The following PAMR1 variants were observed in gnomAD, a reference collection of about 807,000 sequenced individuals.
PAMR1 encodes the protein peptidase domain containing associated with muscle regeneration 1.
In PAMR1, 88 loss-of-function variants were observed where a neutral mutation model predicts 81.8. That is an observed-to-expected ratio of 1.08 (90% CI 0.91 to 1.28). The LOEUF (loss-of-function observed/expected upper bound fraction) is 1.28. Among genes scored for constraint, PAMR1 ranks in the 50% most tolerant of loss-of-function variants. The pLI, the probability that PAMR1 is intolerant of heterozygous loss-of-function variation, is 0.00. For missense variants in PAMR1, 935 were observed against 919.7 expected, an observed-to-expected ratio of 1.02 and a Z score of -0.21; for synonymous variants, 336 against 345.3, an observed-to-expected ratio of 0.97 and a Z score of 0.30.
intron 6 of PAMR1, among the ~76,000 whole-genome samples, chr11:35,454,825 A>T (rs1362534430): frequency 6.6e-6 from 1 of 152,158 alleles, no homozygotes; most frequent in Non-Finnish European, 1.5e-5. Flanking sequence ...ACCTCCACAA[A>T]TATGCTCGCC....
rs749539216 is a variant in PAMR1 at position 35,470,680 on chromosome 11, T to A, written c.633A>T (p.Gly211=). The change falls in exon 5 of 11, where the codon GGA becomes GGT. Residue 211 remains glycine, a synonymous_variant. Coordinates refer to ENST00000619888, the MANE Select transcript of PAMR1 (RefSeq NM_001001991.3). ...AGTGGAAGAGGACGTGGAGTGAGGATCCTATGCTCTGGATAGGAGCTGGCC... is the reference window on the plus strand; with the variant it reads ...AGTGGAAGAGGACGTGGAGTGAGGAACCTATGCTCTGGATAGGAGCTGGCC... ...NERPAPIQSI[G]SSLHVLFHSD... is the part of the protein sequence containing the mutation. 4.3e-6 allele frequency: 7 copies of A among 1,614,148 alleles called. No individual in the cohort carries two copies. The highest frequency in any genetic ancestry group is 2.2e-5 in the East Asian group (1 of 44,878).
At chr11:35,518,192 A>G (rs573035602) in intron 1 of PAMR1, among the ~76,000 whole-genome samples, 1 of 134,316 alleles carries the variant, frequency 7.4e-6, no homozygotes, top group South Asian at 2.8e-4. Context: ...AAAGTGTTGT[A>G]ATGAGGATTC....
At chr11:35,496,287 T>C (rs1590376338) in intron 1 of PAMR1, among the ~76,000 whole-genome samples, 1 of 152,308 alleles carries the variant, frequency 6.6e-6, no homozygotes, top group East Asian at 1.9e-4. Flanking sequence ...AAATTAAAAA[T>C]GTTTGTGCAG....
At chr11:35,519,327 A>G (rs1399666117) in intron 1 of PAMR1, among the ~76,000 whole-genome samples, 2 of 152,108 alleles carry the variant, frequency 1.3e-5, no homozygotes, top group Non-Finnish European at 2.9e-5. Flanking sequence ...AGGGGGAAAA[A>G]TGCTCCCGCT....
intron 5 of PAMR1, among the ~76,000 whole-genome samples, chr11:35,469,573 G>C (rs1856813370): frequency 1.3e-5 from 2 of 152,202 alleles, no homozygotes; most frequent in African/African-American, 4.8e-5. Flanking sequence ...AGCTCCACAG[G>C]GGGCAGGCAC....
chr11:35,492,085 A>G lies in PAMR1; in HGVS notation c.339T>C (p.Cys113=), dbSNP rs111375401. The G allele has an allele frequency of 2.8e-5, 45 of 1,614,008 alleles. 1 individual carries two copies. The Middle Eastern group carries it at 4.9e-4, about 18-fold the overall frequency. The change falls in exon 3 of 11, where the codon TGT becomes TGC. Residue 113 remains cysteine (C), a synonymous_variant. Transcript: ENST00000619888. ...LDDFYVKGFY[C]AECRAGWYGG... ...CGTACCAGCCTGCTCGGCACTCTGCACAGTAGAACCCCTTCACATAGAAGT... is the reference window on the plus strand; with the variant it reads ...CGTACCAGCCTGCTCGGCACTCTGCGCAGTAGAACCCCTTCACATAGAAGT...
chr11:35,474,768 G>A (rs1316011657), intron 3 of PAMR1, 24 bp from the exon 4 acceptor site: 2 of 1,545,890 alleles, frequency 1.3e-6, no homozygotes, highest in East Asian at 2.3e-5. Context: ...AAAAGATTGG[G>A]ACATAAAAAT....
Position 35,474,638 on chromosome 11 carries a change from G to A in PAMR1, c.486C>T (p.Ile162=), listed in dbSNP as rs765476977. 7.5e-6 allele frequency: 12 copies of A among 1,590,858 alleles called. No homozygotes were observed. In the Admixed American group the frequency reaches 1.2e-4, roughly 16 times the overall value. ...WTIHAKPGFV[I]QLRFVMLSLE... ...TGGCCCCAGCTCCTTACCTTAGTTG[G>A]ATGACAAACCCAGGTTTAGCATGAA... is the stretch of plus-strand genomic sequence containing the variant. The change falls in exon 4 of 11, where the codon ATC becomes ATT. Residue 162 remains isoleucine, a synonymous_variant. Transcript: ENST00000619888.
chr11:35,501,568 AT>A (rs79169307), intron 1 of PAMR1, among the ~76,000 whole-genome samples: 14 of 149,954 alleles, frequency 9.3e-5, no homozygotes, highest in Admixed American at 2.0e-4. Flanking sequence ...AATTATTATT[AT>A]TTTTTTTTTA....
intron 1 of PAMR1, among the ~76,000 whole-genome samples, chr11:35,523,731 C>T (rs566562315): frequency 1.1e-4 from 17 of 152,330 alleles, no homozygotes; most frequent in African/African-American, 4.1e-4. Flanking sequence ...GCTATTCCTC[C>T]GTCTTCCCTC....
At chr11:35,462,579 TC>T (rs1331585303) in intron 6 of PAMR1, among the ~76,000 whole-genome samples, 2 of 152,288 alleles carry the variant, frequency 1.3e-5, no homozygotes, top group East Asian at 3.9e-4. Context: ...GTTGCCCTAG[TC>T]CCTTATCCAG....
rs1215222092 is a variant in PAMR1, at chr11:35,436,045, T to G, written c.1191A>C (p.Gly397=). 1.2e-6 allele frequency: 2 copies of G among 1,613,914 alleles called. No individual in the cohort carries two copies. Among genetic ancestry groups the G allele is most frequent in the African/African-American group, 2.7e-5 (2 of 74,896 alleles). Residue 397 remains glycine, a synonymous_variant, in exon 9 of 11, where the codon GGA becomes GGC. Transcript: ENST00000619888. ...APTKKPALPF[G]DLPMGYQHLH... ...GATGTTGGTATCCCATGGGCAGATCTCCAAAGGGAAGGGCTGGCTTCTTGG... is the reference window on the plus strand; with the variant it reads ...GATGTTGGTATCCCATGGGCAGATCGCCAAAGGGAAGGGCTGGCTTCTTGG...
In PAMR1 at chr11:35,441,705, T is replaced by G. The variant is rs772231139; in HGVS notation, c.821-12A>C. 5.1e-6 allele frequency: 8 copies of G among 1,560,670 alleles called. No individual in the cohort carries two copies. In the African/African-American group the frequency reaches 1.1e-4, roughly 21 times the overall value. ...TCTTTCTTCAAGGACTAAAAGAAAG[T>G]AAAAGAAAAGGAGAATTGTTAAAAG... On this transcript the variant is annotated splice_polypyrimidine_tract_variant and intron_variant, in intron 6 of 10. Coordinates refer to ENST00000619888, the MANE Select transcript of PAMR1 (RefSeq NM_001001991.3).
intron 7 of PAMR1, 61 bp from the exon 8 acceptor site, chr11:35,439,754 A>T: frequency 7.0e-7 from 1 of 1,431,154 alleles, no homozygotes; most frequent in Non-Finnish European, 9.9e-7. Context: ...CATATCATTC[A>T]GTTCAGATTC....
chr11:35,436,027 G>T lies in PAMR1; in HGVS notation c.1209C>A (p.Tyr403Ter). 3 of 1,614,072 alleles carry T rather than the reference G, an allele frequency of 1.9e-6. No homozygotes were observed. Among genetic ancestry groups the T allele is most frequent in the Non-Finnish European group, 2.5e-6 (3 of 1,179,964 alleles). Reference sequence around the variant, plus strand: ...ACTGGAGCTGGGTATGCAGATGTTGGTATCCCATGGGCAGATCTCCAAAGG... The same window carrying T: ...ACTGGAGCTGGGTATGCAGATGTTGTTATCCCATGGGCAGATCTCCAAAGG... Reference protein sequence around the residue: ...ALPFGDLPMGYQHLHTQLQYE... With the variant: ...ALPFGDLPMG The change falls in exon 9 of 11, where the codon TAC (tyrosine) becomes TAA (stop). Residue 403 changes from tyrosine (Y) to a stop codon, truncating the protein, a stop_gained. Coordinates refer to ENST00000619888, the MANE Select transcript of PAMR1 (RefSeq NM_001001991.3). LOFTEE classifies it high-confidence loss of function.
At chr11:35,510,201 C>T (rs1763399043) in intron 1 of PAMR1, among the ~76,000 whole-genome samples, 1 of 151,996 alleles carries the variant, frequency 6.6e-6, no homozygotes, top group African/African-American at 2.4e-5. Context: ...CCCCACATAC[C>T]CTCCCTCCCA....
intron 6 of PAMR1, among the ~76,000 whole-genome samples, chr11:35,452,759 G>A (rs1036491582): frequency 6.6e-5 from 10 of 152,108 alleles, no homozygotes; most frequent in African/African-American, 2.4e-4. Context: ...TCTAAATCTA[G>A]CATTATTCAG....
chr11:35,473,210 A>G (rs1304277403), intron 4 of PAMR1, among the ~76,000 whole-genome samples: 1 of 152,206 alleles, frequency 6.6e-6, no homozygotes. Context: ...TATGCTTCCA[A>G]GTATTTCCAT....
chr11:35,523,036 G>T (rs1851310896), intron 1 of PAMR1, among the ~76,000 whole-genome samples: 1 of 152,108 alleles, frequency 6.6e-6, no homozygotes, highest in Non-Finnish European at 1.5e-5. Flanking sequence ...TTATTTTCCT[G>T]TTGGGGATGC....
Sources: gnomAD v4.1 joint callset for allele counts (sites outside exome capture counted in the v4.1 genomes callset) on GRCh38, gnomAD v4.1.1 for gene constraint, MANE v1.5 for transcripts, NCBI Gene and HGNC (gene_info 2026-07-23, HGNC 2026-07-21) for gene names.